The following P3H1 variants were observed in gnomAD, a reference collection of about 807,000 sequenced individuals.
The protein encoded by P3H1 is prolyl 3-hydroxylase 1.
P3H1 carries 69 observed loss-of-function variants against 84.0 expected under a neutral mutation model. The ratio of observed to expected loss-of-function variants is 0.82; its 90% confidence interval spans 0.68 to 1.00. P3H1 has a LOEUF of 1.00. Among genes scored for constraint, P3H1 ranks in the 50% least tolerant of loss-of-function variants. The pLI is 0.00. For missense variants in P3H1, 878 were observed against 962.8 expected (o/e 0.91, Z 1.17); for synonymous variants, 366 against 388.8 (o/e 0.94, Z 0.69).
chr1:42,758,889 T>C lies in P3H1; in HGVS notation c.903A>G (p.Pro301=). Reference sequence around the variant, plus strand: ...CAAACTGCAGATAATTATAATGCGATGGGAGGAAGTCTTCAAAGGGCTTCT... The same window carrying C: ...CAAACTGCAGATAATTATAATGCGACGGGAGGAAGTCTTCAAAGGGCTTCT... ...SREKPFEDFL[P]SHYNYLQFAY... The change falls in exon 4 of 15, where the codon CCA becomes CCG. Residue 301 remains proline, a synonymous_variant. Transcript: ENST00000296388. The C allele has an allele frequency of 1.5e-5, 25 of 1,614,180 alleles. No homozygotes were observed. Among genetic ancestry groups the C allele is most frequent in the Non-Finnish European group, 2.0e-5 (24 of 1,180,008 alleles).
At chr1:42,747,001 C>T (rs1651753332) in intron 14 of P3H1, 149 bp from the exon 15 acceptor site, 2 of 1,614,072 alleles carry the variant, frequency 1.2e-6, no homozygotes, top group African/African-American at 1.3e-5. Context: ...TGGAAAAGGA[C>T]AGCTGAAGTG....
At chr1:42,759,646 T>C (rs1216109336) in intron 2 of P3H1, among the ~76,000 whole-genome samples, 2 of 152,202 alleles carry the variant, frequency 1.3e-5, no homozygotes, top group Non-Finnish European at 2.9e-5. Flanking sequence ...CAGGCTGGAC[T>C]GCAGTGGCAC....
At chr1:42,764,453 GAA>G (rs1230365294) in intron 1 of P3H1, among the ~76,000 whole-genome samples, 198 of 145,292 alleles carry the variant, frequency 1.4e-3, no homozygotes, top group Non-Finnish European at 2.3e-3. Context: ...AAGAAAGAAA[GAA>G]AAGAGACAGG....
Position 42,752,271 on chromosome 1 carries a change from T to TA in P3H1, c.1569+2dup. Reference sequence around the variant, plus strand: ...ACTCTAGAATGCCCAGTGTTGATCTTACCTTGAGGGCTTTGAAGACAGTGA... The same window carrying TA: ...ACTCTAGAATGCCCAGTGTTGATCTTAACCTTGAGGGCTTTGAAGACAGTGA... On this transcript the variant is annotated splice_region_variant and intron_variant, in intron 10 of 14. Coordinates refer to ENST00000296388, the MANE Select transcript of P3H1 (RefSeq NM_022356.4). The TA allele has an allele frequency of 6.2e-7, 1 of 1,611,912 alleles. No individual in the cohort carries two copies. Among genetic ancestry groups the TA allele is most frequent in the East Asian group, 2.2e-5 (1 of 44,878 alleles).
intron 13 of P3H1, 93 bp from the exon 14 acceptor site, chr1:42,747,505 G>A (rs186683944): frequency 1.5e-6 from 2 of 1,315,556 alleles, no homozygotes; most frequent in East Asian, 4.6e-5. Context: ...TCACGACCGA[G>A]GGCAGCTCTT....
Position 42,767,014 on chromosome 1 carries a change from A to C in P3H1, c.-43T>G. 1 of 1,593,226 alleles carries C rather than the reference A, an allele frequency of 6.3e-7. No individual in the cohort carries two copies. The highest frequency in any genetic ancestry group is 8.5e-7 in the Non-Finnish European group (1 of 1,174,714). On this transcript the variant is annotated 5_prime_UTR_variant, in exon 1 of 15. Coordinates refer to ENST00000296388, the MANE Select transcript of P3H1 (RefSeq NM_022356.4). ...CGGAACCGCCAGCCACCCGCCACCA[A>C]GGCCGGAGTCCTACCCCCGGCGAAG...
At chr1:42,747,150 G>T in intron 14 of P3H1, 122 bp downstream of exon 14, 1 of 1,614,206 alleles carries the variant, frequency 6.2e-7, no homozygotes, top group Non-Finnish European at 8.5e-7. Context: ...GGTGTCCCAA[G>T]TGCTCCTTTC....
At chr1:42,747,976 G>A (rs1240485130) in intron 12 of P3H1, among the ~76,000 whole-genome samples, 178 bp from the exon 13 acceptor site, 1 of 151,048 alleles carries the variant, frequency 6.6e-6, no homozygotes, top group East Asian at 1.9e-4. Flanking sequence ...CCTCGCCTTA[G>A]AGTCCCCTGT....
At chr1:42,750,644 G>GT in intron 10 of P3H1, among the ~76,000 whole-genome samples, 1 of 123,214 alleles carries the variant, frequency 8.1e-6, no homozygotes. Flanking sequence ...CGTCCGGGAG[G>GT]GAGGCCGGGG....
rs1432381757 is a variant in P3H1 at position 42,750,663 on chromosome 1, C to T, written c.1570-327G>A. Among the ~76,000 whole-genome samples, 688 of 108,652 alleles carry T rather than the reference C, an allele frequency of 6.3e-3. 151 individuals carry two copies. Among genetic ancestry groups the T allele is most frequent in the African/African-American group, 0.029 (665 of 22,792 alleles). 71.3% of individuals were successfully genotyped at this position (108,652 alleles called of 152,430 possible). A position where few individuals can be genotyped will look rare whatever the true frequency, so the allele number is the denominator to read the frequency against. ...CGGGAGGGAGGCCGGGGGGGGTGGT[C>T]GGCCAGCCGCCCCGTCCGGGAGGGA... is the stretch of plus-strand genomic sequence containing the variant. On this transcript the variant is annotated intron_variant, in intron 10 of 14. Transcript: ENST00000296388.
In P3H1 at chr1:42,750,658, G is replaced by GC. The variant is rs1652000483; in HGVS notation, c.1570-323_1570-322insG. On this transcript the variant is annotated intron_variant, in intron 10 of 14. Transcript: ENST00000296388. ...CCGTCCGGGAGGGAGGCCGGGGGGG[G>GC]TGGTCGGCCAGCCGCCCCGTCCGGG... 3.5e-5 allele frequency among the ~76,000 whole-genome samples: 4 copies of GC among 114,136 alleles called. 1 individual carries two copies. Among genetic ancestry groups the GC allele is most frequent in the African/African-American group, 1.4e-4 (4 of 28,004 alleles). The allele number at this position is 114,136 out of a possible 152,430, so 74.9% of individuals were successfully genotyped here. A position where few individuals can be genotyped will look rare whatever the true frequency, so the allele number is the denominator to read the frequency against.
intron 1 of P3H1, among the ~76,000 whole-genome samples, chr1:42,764,764 C>T (rs1227957757): frequency 1.3e-5 from 2 of 152,076 alleles, no homozygotes; most frequent in Non-Finnish European, 2.9e-5. Flanking sequence ...GGTTAGGTGA[C>T]CCAAGGTAAA....
rs139932812 is a variant in P3H1, at chr1:42,748,202, G to A, written c.1836C>T (p.Tyr612=). 9.9e-6 allele frequency: 16 copies of A among 1,612,126 alleles called. No homozygotes were observed. In the African/African-American group the frequency reaches 2.1e-4, roughly 22 times the overall value. ...KEPPAYTFRD[Y]SAILYLNGDF... ...CCCTGCACCTGCCCCGCACTCACCT[G>A]TAGTCGCGGAAGGTGTAGGCTGGGG... Residue 612 remains tyrosine (Y), a splice_region_variant and synonymous_variant, in exon 12 of 15, where the codon TAC becomes TAT. Coordinates refer to ENST00000296388, the MANE Select transcript of P3H1 (RefSeq NM_022356.4).
rs762522345 is a variant in P3H1 at position 42,746,843 on chromosome 1, G to A, written c.2065C>T (p.Gln689Ter). The A allele has an allele frequency of 6.2e-7, 1 of 1,613,756 alleles. No homozygotes were observed. The highest frequency in any genetic ancestry group is 1.1e-5 in the South Asian group (1 of 90,986). ...DPRHSERDRV[Q>*]ADDLVKMLFS... ...AGCATCTTCACCAGGTCATCTGCCT[G>A]CACCCTGTCCTGCAAGGACAAACCC... The change falls in exon 15 of 15, where the codon CAG becomes TAG. Residue 689 changes from glutamine (Q) to a stop codon, truncating the protein, a stop_gained. Transcript: ENST00000296388. LOFTEE classifies it high-confidence loss of function.
chr1:42,759,454 A>T, intron 2 of P3H1, 64 bp from the exon 3 acceptor site: 1 of 1,448,900 alleles, frequency 6.9e-7, no homozygotes, highest in Non-Finnish European at 9.6e-7. Flanking sequence ...CCTTGCCCTC[A>T]GCCACCTTCA....
rs766669624 is a variant in P3H1 at position 42,750,349 on chromosome 1, C to G, written c.1570-13G>C. On this transcript the variant is annotated splice_polypyrimidine_tract_variant and intron_variant, in intron 10 of 14. Coordinates refer to ENST00000296388, the MANE Select transcript of P3H1 (RefSeq NM_022356.4). ...CTTCTTGCCCCAGCTGCCAAGGAGA[C>G]AGATGGTCAGCTGCCCTCAACGACT... 5 of 1,613,892 alleles carry G rather than the reference C, an allele frequency of 3.1e-6. No homozygotes were observed. Among genetic ancestry groups the G allele is most frequent in the Non-Finnish European group, 4.2e-6 (5 of 1,179,966 alleles).
At chr1:42,759,834 G>A (rs1329953088) in intron 2 of P3H1, among the ~76,000 whole-genome samples, 14 of 152,040 alleles carry the variant, frequency 9.2e-5, no homozygotes, top group African/African-American at 3.1e-4. Flanking sequence ...CTCCCAACTC[G>A]GCCTCCTAAA....
intron 11 of P3H1, chr1:42,748,851 C>T: frequency 1.9e-5 from 4 of 214,466 alleles, no homozygotes; most frequent in South Asian, 7.8e-5. Flanking sequence ...CTGTCAAATG[C>T]CAGGCAGACC....
chr1:42,751,973 C>T, intron 10 of P3H1: 5 of 434,440 alleles, frequency 1.2e-5, no homozygotes. Context: ...TCTTTATGAG[C>T]ACACTGTGCA....
Sources: gnomAD v4.1 joint callset for allele counts (sites outside exome capture counted in the v4.1 genomes callset) on GRCh38, gnomAD v4.1.1 for gene constraint, MANE v1.5 for transcripts, NCBI Gene and HGNC (gene_info 2026-07-23, HGNC 2026-07-21) for gene names.